LARGE1: variants seen among roughly 807,000 people sequenced by gnomAD.
The protein encoded by LARGE1 is LARGE xylosyl- and glucuronyltransferase 1, also known as xylosyl- and glucuronyltransferase LARGE1.
LARGE1 carries 43 observed loss-of-function variants against 87.6 expected under a neutral mutation model. That is an observed-to-expected ratio of 0.49 (90% CI 0.38 to 0.63). The LOEUF is 0.63. LARGE1 is among the 30% of genes least tolerant of loss of function. The probability of loss-of-function intolerance (pLI) is 0.00; values close to 1 mark genes in which losing one functional copy is unlikely to be tolerated. For synonymous variants in LARGE1, 434 were observed against 394.6 expected (o/e 1.10, Z -1.18); for missense variants, 802 against 1,000.2 (o/e 0.80, Z 2.67).
At chr22:33,599,422 G>C (rs1249880923) in intron 5 of LARGE1, among the ~76,000 whole-genome samples, 1 of 152,160 alleles carries the variant, frequency 6.6e-6, no homozygotes, top group Non-Finnish European at 1.5e-5. Flanking sequence ...GTTCAGAGCA[G>C]AGGTACCTTC....
At chr22:33,495,663 G>A (rs1359987653) in intron 6 of LARGE1, among the ~76,000 whole-genome samples, 4 of 151,272 alleles carry the variant, frequency 2.6e-5, no homozygotes, top group Non-Finnish European at 5.9e-5. Context: ...AGGTTGCAGT[G>A]AGCCGAGATC....
At chr22:33,513,814 C>CACACACACACAT (rs746367912) in intron 6 of LARGE1, among the ~76,000 whole-genome samples, 3 of 122,186 alleles carry the variant, frequency 2.5e-5, no homozygotes, top group African/African-American at 1.0e-4. Context: ...AGCTGATGTA[C>CACACACACACAT]ACACACACAC....
At chr22:33,912,992 G>A (rs1329197484) in intron 1 of LARGE1, among the ~76,000 whole-genome samples, 4 of 151,818 alleles carry the variant, frequency 2.6e-5, no homozygotes, top group East Asian at 1.9e-4. Flanking sequence ...CACCACGCCC[G>A]GCTAATTTTT....
chr22:33,432,643 T>C (rs1305901310), intron 6 of LARGE1, among the ~76,000 whole-genome samples: 1 of 152,134 alleles, frequency 6.6e-6, no homozygotes, highest in Non-Finnish European at 1.5e-5. Context: ...AGCACATATT[T>C]ATTGACAGGC....
chr22:33,891,709 C>T (rs548804449), intron 1 of LARGE1, among the ~76,000 whole-genome samples: 1 of 152,272 alleles, frequency 6.6e-6, no homozygotes, highest in African/African-American at 2.4e-5. Flanking sequence ...GGGTAAAATT[C>T]TTTGTGATAA....
At chr22:33,304,588 C>A in intron 11 of LARGE1, 81 bp from the exon 12 acceptor site, 2 of 1,395,508 alleles carry the variant, frequency 1.4e-6, no homozygotes, top group Middle Eastern at 2.6e-4. Flanking sequence ...GGCTCTGCCT[C>A]CAGTGACACT....
intron 1 of LARGE1, among the ~76,000 whole-genome samples, chr22:33,784,789 T>C (rs2085544227): frequency 1.3e-5 from 2 of 151,896 alleles, no homozygotes; most frequent in Admixed American, 1.3e-4. Flanking sequence ...GTATACCATA[T>C]AGTATACATA....
intron 9 of LARGE1, among the ~76,000 whole-genome samples, chr22:33,374,113 T>C (rs1300867961): frequency 6.6e-6 from 1 of 152,170 alleles, no homozygotes; most frequent in African/African-American, 2.4e-5. Flanking sequence ...TCCCGTGCTA[T>C]TACTAAGGAC....
At chr22:33,387,461 C>T (rs1468317503) in intron 7 of LARGE1, among the ~76,000 whole-genome samples, 1 of 127,706 alleles carries the variant, frequency 7.8e-6, no homozygotes, top group Non-Finnish European at 1.6e-5. Context: ...GAAAGAATTT[C>T]ATTAATCTTA....
chr22:33,761,426 ACTC>A lies in LARGE1; in HGVS notation c.48_50del (p.Leu16_Ser17delinsPhe). The A allele has an allele frequency of 6.2e-7, 1 of 1,613,986 alleles. No homozygotes were observed. Among genetic ancestry groups the A allele is most frequent in the Non-Finnish European group, 8.5e-7 (1 of 1,180,008 alleles). The stretch of plus-strand genomic sequence containing the variant: ...AGGTGATGGCTGGGATGCAGAGAAG[ACTC>A]AACGAGGCAGCCAAGAATTTCCGTC... On this transcript the variant is annotated inframe_deletion, in exon 2 of 15. Transcript: ENST00000397394.
At chr22:33,263,678 T>C (rs1361040271) in intron 11 of LARGE1, among the ~76,000 whole-genome samples, 1 of 152,256 alleles carries the variant, frequency 6.6e-6, no homozygotes, top group Non-Finnish European at 1.5e-5. Context: ...AACTGGTACC[T>C]GGACTCCTGA....
chr22:33,815,265 C>T (rs2086616265), intron 1 of LARGE1, among the ~76,000 whole-genome samples: 1 of 152,160 alleles, frequency 6.6e-6, no homozygotes, highest in Admixed American at 6.5e-5. Context: ...GCTAGAACTT[C>T]CTCCGGTCCT....
chr22:33,138,571 G>A, the LARGE1 span, among the ~76,000 whole-genome samples: 1 of 152,134 alleles, frequency 6.6e-6, no homozygotes, highest in East Asian at 1.9e-4. Context: ...AGCCTCCCAA[G>A]TAGCTGAGAT....
At chr22:33,114,171 C>T in the LARGE1 span, among the ~76,000 whole-genome samples, 5 of 152,000 alleles carry the variant, frequency 3.3e-5, no homozygotes, top group East Asian at 1.9e-4. Context: ...CCACCGCGCC[C>T]GGCCGAAAAC....
intron 2 of LARGE1, among the ~76,000 whole-genome samples, chr22:33,745,085 C>G (rs1050821030): frequency 6.6e-6 from 1 of 152,130 alleles, no homozygotes; most frequent in Non-Finnish European, 1.5e-5. Flanking sequence ...CTGAAGGAGC[C>G]GAGGGATTTC....
chr22:33,072,321 T>C, the LARGE1 span, among the ~76,000 whole-genome samples: 1 of 151,962 alleles, frequency 6.6e-6, no homozygotes, highest in African/African-American at 2.4e-5. Flanking sequence ...GGAGGAGATG[T>C]CTGTATGGTA....
At chr22:33,741,293 A>G (rs1256555811) in intron 2 of LARGE1, among the ~76,000 whole-genome samples, 1 of 152,204 alleles carries the variant, frequency 6.6e-6, no homozygotes, top group Non-Finnish European at 1.5e-5. Flanking sequence ...GTAGGTTAAA[A>G]ATGCAAATTA....
At chr22:33,307,358 C>G (rs1156862737) in intron 11 of LARGE1, among the ~76,000 whole-genome samples, 1 of 152,168 alleles carries the variant, frequency 6.6e-6, no homozygotes, top group Admixed American at 6.5e-5. Context: ...ACCCCAAAGC[C>G]CGGATCCAGG....
chr22:33,541,192 G>A (rs28619052), intron 6 of LARGE1, among the ~76,000 whole-genome samples: 3,341 of 63,486 alleles, frequency 0.053, 56 homozygotes, highest in South Asian at 0.15. Flanking sequence ...AAAAAGTGGG[G>A]GAAAAAAAGA....
Sources: allele counts gnomAD v4.1 joint callset (sites outside exome capture counted in the v4.1 genomes callset), GRCh38; gene constraint gnomAD v4.1.1; transcripts MANE v1.5; gene names NCBI Gene and HGNC (gene_info 2026-07-23, HGNC 2026-07-21).